Variants in AKT3 observed in about 807,000 individuals in gnomAD.
AKT3 encodes AKT serine/threonine kinase 3, also known as RAC-gamma serine/threonine-protein kinase.
Under a neutral mutation model 65.3 loss-of-function variants are expected in AKT3, and 15 were observed. The observed-to-expected ratio is 0.23, with a 90% confidence interval of 0.15 to 0.35. AKT3 has a LOEUF of 0.35. Among genes scored for constraint, AKT3 ranks in the 10% least tolerant of loss-of-function variants. The probability of loss-of-function intolerance (pLI) is 1.00; values close to 1 mark genes in which losing one functional copy is unlikely to be tolerated. For missense variants in AKT3, 243 were observed against 576.5 expected (o/e 0.42, Z 5.92); for synonymous variants, 206 against 183.8 (o/e 1.12, Z -0.98).
chr1:243,515,609 C>T (rs1670300850), intron 12 of AKT3, among the ~76,000 whole-genome samples: 1 of 152,116 alleles, frequency 6.6e-6, no homozygotes, highest in Non-Finnish European at 1.5e-5. Flanking sequence ...TTCTTTGTAT[C>T]TATTGTTAGA....
At chr1:243,562,617 A>T (rs1673872925) in intron 10 of AKT3, among the ~76,000 whole-genome samples, 1 of 152,144 alleles carries the variant, frequency 6.6e-6, no homozygotes, top group South Asian at 2.1e-4. Flanking sequence ...AGAGCCAAAG[A>T]AGTCTGACTG....
intron 2 of AKT3, among the ~76,000 whole-genome samples, chr1:243,830,131 C>T (rs957362864): frequency 2.0e-5 from 3 of 152,214 alleles, no homozygotes; most frequent in East Asian, 1.9e-4. Flanking sequence ...CTGTACTGAA[C>T]ACTTACAGAC....
chr1:243,840,494 C>T (rs1001087729), intron 2 of AKT3, among the ~76,000 whole-genome samples: 14 of 152,212 alleles, frequency 9.2e-5, no homozygotes, highest in African/African-American at 3.4e-4. Flanking sequence ...GCACATGTAT[C>T]CCAGAACTTA....
chr1:243,580,064 G>C (rs569068922), intron 8 of AKT3, among the ~76,000 whole-genome samples: 2 of 152,298 alleles, frequency 1.3e-5, no homozygotes, highest in Admixed American at 1.3e-4. Context: ...GGGTGGGTTA[G>C]AGGCTTTCTG....
chr1:243,593,839 C>T lies in AKT3; in HGVS notation c.696+19832G>A, dbSNP rs532342616. Among the ~76,000 whole-genome samples the T allele has an allele frequency of 2.6e-5, 4 of 152,272 alleles. No homozygotes were observed. The East Asian group carries it at 5.8e-4, about 22-fold the overall frequency. On this transcript the variant is annotated intron_variant, in intron 8 of 13. Transcript: ENST00000673466. ...TGAAAAACTTATGACTAACATCACACTTAATAATAAAAGACTTAATCTTTT... is the reference window on the plus strand; with the variant it reads ...TGAAAAACTTATGACTAACATCACATTTAATAATAAAAGACTTAATCTTTT...
intron 12 of AKT3, among the ~76,000 whole-genome samples, chr1:243,531,351 G>C (rs909349794): frequency 1.3e-5 from 2 of 152,072 alleles, no homozygotes; most frequent in Admixed American, 6.5e-5. Context: ...CAAAATGCTG[G>C]GATCACAGGA....
intron 3 of AKT3, among the ~76,000 whole-genome samples, chr1:243,686,651 A>ATTTTTTTT (rs143487611): frequency 4.3e-5 from 1 of 23,522 alleles, no homozygotes; most frequent in Non-Finnish European, 7.6e-5. Flanking sequence ...ATATATATAT[A>ATTTTTTTT]TTTTTTTTTT....
At chr1:243,532,724 CATT>C (rs972452907) in intron 12 of AKT3, among the ~76,000 whole-genome samples, 4 of 152,144 alleles carry the variant, frequency 2.6e-5, no homozygotes, top group African/African-American at 7.2e-5. Context: ...GAAGGACTGG[CATT>C]AATTTTTCTT....
intron 3 of AKT3, among the ~76,000 whole-genome samples, chr1:243,681,031 A>G (rs1012836939): frequency 6.6e-6 from 1 of 152,120 alleles, no homozygotes; most frequent in Non-Finnish European, 1.5e-5. Context: ...GTAGTCAGAG[A>G]TCCATTAGTT....
intron 2 of AKT3, among the ~76,000 whole-genome samples, chr1:243,814,882 G>A (rs574145135): frequency 6.6e-6 from 1 of 152,336 alleles, no homozygotes; most frequent in South Asian, 2.1e-4. Flanking sequence ...ACAATTAGGA[G>A]GTGTGTGGGA....
chr1:243,664,933 GAAGT>G, intron 3 of AKT3, 50 bp from the exon 4 acceptor site: 1 of 1,118,358 alleles, frequency 8.9e-7, no homozygotes, highest in South Asian at 1.6e-5. Flanking sequence ...TTTAAAACAA[GAAGT>G]AAATAATTGA....
At chr1:243,802,483 C>T (rs1692439233) in intron 2 of AKT3, among the ~76,000 whole-genome samples, 1 of 152,068 alleles carries the variant, frequency 6.6e-6, no homozygotes, top group Non-Finnish European at 1.5e-5. Flanking sequence ...AAATAAGATG[C>T]ATTTTTACTG....
intron 11 of AKT3, among the ~76,000 whole-genome samples, chr1:243,552,344 G>A (rs367869890): frequency 1.4e-5 from 2 of 147,410 alleles, no homozygotes; most frequent in African/African-American, 5.0e-5. Context: ...CACAGGTTGC[G>A]GGTGGGAGGA....
At chr1:243,657,886 T>C (rs1681936736) in intron 4 of AKT3, among the ~76,000 whole-genome samples, 2 of 152,030 alleles carry the variant, frequency 1.3e-5, no homozygotes. Flanking sequence ...ACTAACACAA[T>C]GTGGAAATAT....
chr1:243,680,691 C>A (rs2147973488), intron 3 of AKT3, among the ~76,000 whole-genome samples: 1 of 152,174 alleles, frequency 6.6e-6, no homozygotes, highest in East Asian at 1.9e-4. Context: ...TCAAGTTCAA[C>A]TTGTTAAAAA....
intron 13 of AKT3, among the ~76,000 whole-genome samples, chr1:243,507,573 C>T (rs569215209): frequency 4.6e-5 from 7 of 152,274 alleles, no homozygotes; most frequent in African/African-American, 1.2e-4. Flanking sequence ...GACTCTGAGT[C>T]GGAGCCTGTC....
chr1:243,698,369 T>C (rs988023150), intron 2 of AKT3, among the ~76,000 whole-genome samples: 2 of 152,034 alleles, frequency 1.3e-5, no homozygotes, highest in Admixed American at 1.3e-4. Flanking sequence ...ACACCATTTC[T>C]TCTTCTTTTA....
At chr1:243,629,396 T>C (rs1336525408) in intron 6 of AKT3, among the ~76,000 whole-genome samples, 1 of 152,186 alleles carries the variant, frequency 6.6e-6, no homozygotes, top group Non-Finnish European at 1.5e-5. Flanking sequence ...TTGATGGTCA[T>C]CAAAAGAACT....
chr1:243,543,257 G>C (rs978795766), intron 12 of AKT3, among the ~76,000 whole-genome samples: 1 of 152,094 alleles, frequency 6.6e-6, no homozygotes, highest in Non-Finnish European at 1.5e-5. Flanking sequence ...TGGTATACTG[G>C]TTGGGCTCTC....
Sources: gnomAD v4.1 joint callset for allele counts (sites outside exome capture counted in the v4.1 genomes callset) on GRCh38, gnomAD v4.1.1 for gene constraint, MANE v1.5 for transcripts, NCBI Gene and HGNC (gene_info 2026-07-23, HGNC 2026-07-21) for gene names.